Variants in ADAM12 observed in about 807,000 individuals in gnomAD.
ADAM12 encodes ADAM metallopeptidase domain 12.
In ADAM12, 70 loss-of-function variants were observed where a neutral mutation model predicts 106.4. The ratio of observed to expected loss-of-function variants is 0.66; its 90% CI spans 0.54 to 0.80. The LOEUF (loss-of-function observed/expected upper bound fraction) is 0.80, where lower values mean the gene tolerates loss of function less well. Among genes scored for constraint, ADAM12 ranks in the 30% least tolerant of loss-of-function variants. ADAM12 has a pLI of 0.00. For synonymous variants in ADAM12, 420 were observed against 433.5 expected (o/e 0.97, Z 0.39); for missense variants, 1,010 against 1,171.9 (o/e 0.86, Z 2.02).
intron 2 of ADAM12, among the ~76,000 whole-genome samples, chr10:126,290,039 G>A (rs1418983776): frequency 2.0e-5 from 3 of 152,116 alleles, no homozygotes; most frequent in Non-Finnish European, 2.9e-5. Context: ...AATCACAAGC[G>A]TTCCTGAAGG....
chr10:126,312,279 C>T (rs1179396050), intron 2 of ADAM12, among the ~76,000 whole-genome samples: 2 of 152,142 alleles, frequency 1.3e-5, no homozygotes, highest in African/African-American at 4.8e-5. Flanking sequence ...GCGGGGGACA[C>T]AAGATGGGTG....
chr10:126,296,072 A>G (rs934015172), intron 2 of ADAM12, among the ~76,000 whole-genome samples: 5 of 152,188 alleles, frequency 3.3e-5, no homozygotes, highest in Non-Finnish European at 7.4e-5. Flanking sequence ...GCTCATGTCC[A>G]TCCCCGTGCG....
chr10:126,239,995 C>T (rs1480403486), intron 3 of ADAM12, among the ~76,000 whole-genome samples: 3 of 152,172 alleles, frequency 2.0e-5, no homozygotes, highest in African/African-American at 4.8e-5. Context: ...TCCATCCTTC[C>T]GTGCCAAGCT....
intron 6 of ADAM12, among the ~76,000 whole-genome samples, chr10:126,111,808 G>T (rs1257196949): frequency 6.6e-6 from 1 of 152,162 alleles, no homozygotes; most frequent in Non-Finnish European, 1.5e-5. Context: ...TGGGGGAGTC[G>T]CCGGCTCAGG....
Position 126,147,674 on chromosome 10 carries a change from G to T in ADAM12, c.339+7553C>A, listed in dbSNP as rs190885534. Among the ~76,000 whole-genome samples the T allele has an allele frequency of 1.1e-4, 17 of 152,302 alleles. No homozygotes were observed. In the East Asian group the frequency reaches 3.1e-3, roughly 28 times the overall value. ...GTTCAAATGTTCCTTTCCCCATAAA[G>T]CCTTCCATGATCCCTCAGACCAGAT... On this transcript the variant is annotated intron_variant, in intron 4 of 22. Transcript: ENST00000448723.
intron 3 of ADAM12, among the ~76,000 whole-genome samples, chr10:126,240,123 TC>T (rs11313349): frequency 0.054 from 8,254 of 152,318 alleles, 772 homozygotes; most frequent in African/African-American, 0.19. Context: ...AAGTGCTGTA[TC>T]CATTGTGTGA....
intron 14 of ADAM12, among the ~76,000 whole-genome samples, chr10:126,058,280 C>T (rs116618623): frequency 1.2e-3 from 179 of 152,364 alleles, no homozygotes; most frequent in African/African-American, 3.5e-3. Context: ...GTTCCAAGAA[C>T]GAATGAGTGA....
chr10:126,229,662 C>T (rs1472520723), intron 3 of ADAM12, among the ~76,000 whole-genome samples: 3 of 138,328 alleles, frequency 2.2e-5, no homozygotes, highest in Non-Finnish European at 4.7e-5. Context: ...TGTCTCCCTC[C>T]AGTCCTATTC....
intron 3 of ADAM12, among the ~76,000 whole-genome samples, chr10:126,165,005 C>T (rs1404094037): frequency 1.3e-5 from 2 of 152,162 alleles, no homozygotes; most frequent in East Asian, 1.9e-4. Flanking sequence ...TTTTTTATGG[C>T]ACAAGTTATC....
rs147210669 is a variant in ADAM12 at position 126,262,861 on chromosome 10, T to A, written c.260+16054A>T. On this transcript the variant is annotated intron_variant, in intron 3 of 22. Coordinates refer to ENST00000448723, the MANE Select transcript of ADAM12 (RefSeq NM_001288973.2). ...TCCCACCCTGCCTCCAACCCACAGG[T>A]GGGGTACTCCATGCTGGCTTCATCA... Among the ~76,000 whole-genome samples the A allele has an allele frequency of 2.1e-3, 326 of 152,234 alleles. 1 individual carries two copies. The highest frequency in any genetic ancestry group is 6.5e-3 in the Admixed American group (99 of 15,294).
rs894203567 is a variant in ADAM12 at position 126,343,728 on chromosome 10, G to C, written c.89-13219C>G. ...TTTTTAATGATCACCATTCTAACTG[G>C]TGTGAAATGGTATCTCATTGTGGTT... is the stretch of plus-strand genomic sequence containing the variant. On this transcript the variant is annotated intron_variant, in intron 1 of 22. Coordinates refer to ENST00000448723, the MANE Select transcript of ADAM12 (RefSeq NM_001288973.2). 2.6e-5 allele frequency among the ~76,000 whole-genome samples: 4 copies of C among 152,254 alleles called. No individual in the cohort carries two copies. In the East Asian group the frequency reaches 7.7e-4, roughly 29 times the overall value.
At chr10:126,110,676 C>T (rs1955853333) in intron 6 of ADAM12, among the ~76,000 whole-genome samples, 1 of 152,190 alleles carries the variant, frequency 6.6e-6, no homozygotes, top group Non-Finnish European at 1.5e-5. Context: ...ACAAAGGCAG[C>T]TCCTGAAGTG....
chr10:126,279,441 G>C (rs925529621), intron 2 of ADAM12, among the ~76,000 whole-genome samples: 1 of 78,648 alleles, frequency 1.3e-5, no homozygotes, highest in Non-Finnish European at 2.4e-5. Context: ...AAAAAAAAAA[G>C]AAAACAAGCC....
At chr10:126,214,841 G>A (rs200325363) in intron 3 of ADAM12, among the ~76,000 whole-genome samples, 2 of 152,078 alleles carry the variant, frequency 1.3e-5, no homozygotes, top group African/African-American at 2.4e-5. Context: ...TGGGACCCTC[G>A]GCCCAGCCCA....
chr10:126,378,276 C>T (rs1398507437), intron 1 of ADAM12, among the ~76,000 whole-genome samples: 1 of 152,114 alleles, frequency 6.6e-6, no homozygotes, highest in Admixed American at 6.5e-5. Context: ...TACTCTACAG[C>T]TTAGTAATTC....
chr10:126,301,022 A>C (rs1247924295), intron 2 of ADAM12, among the ~76,000 whole-genome samples: 1 of 152,226 alleles, frequency 6.6e-6, no homozygotes, highest in Admixed American at 6.5e-5. Flanking sequence ...TTTGCCCCCC[A>C]GGGAACATGT....
In ADAM12 at chr10:126,311,114, C is replaced by CACAT. The variant is rs1449797305; in HGVS notation, c.186+19297_186+19298insATGT. Among the ~76,000 whole-genome samples the CACAT allele has an allele frequency of 2.1e-3, 320 of 151,448 alleles. 2 individuals are homozygous for CACAT. The highest frequency in any genetic ancestry group is 7.4e-3 in the African/African-American group (306 of 41,270). On this transcript the variant is annotated intron_variant, in intron 2 of 22. Coordinates refer to ENST00000448723, the MANE Select transcript of ADAM12 (RefSeq NM_001288973.2). Reference sequence around the variant, plus strand: ...ACAAATACACACACACACACACACACACACACACACACACACACACACACC... The same window carrying CACAT: ...ACAAATACACACACACACACACACACACATACACACACACACACACACACACACC...
In ADAM12 at chr10:126,323,575, G is replaced by C. The variant is rs1297661154; in HGVS notation, c.186+6837C>G. ...ATAAAGTCTCAGAGTCAGTCAACAA[G>C]CATCCTGCAATCACTCCACTCTGTG... On this transcript the variant is annotated intron_variant, in intron 2 of 22. Coordinates refer to ENST00000448723, the MANE Select transcript of ADAM12 (RefSeq NM_001288973.2). Among the ~76,000 whole-genome samples, 3 of 152,204 alleles carry C rather than the reference G, an allele frequency of 2.0e-5. No individual in the cohort carries two copies. In the East Asian group the frequency reaches 5.8e-4, roughly 29 times the overall value.
Position 126,388,364 on chromosome 10 carries a change from G to C in ADAM12, c.-219C>G. On this transcript the variant is annotated 5_prime_UTR_variant, in exon 1 of 23. Transcript: ENST00000448723. This position sits in a 1 kb window ranked among gnomAD's most constrained non-coding sequence, Gnocchi z 4.4. ...CCCGTGTGTGTGCGTGCGTGCGCGC[G>C]CGCGCGCCGTTCTGGCACAAGCCAG... is the stretch of plus-strand genomic sequence containing the variant. 2 of 584,134 alleles carry C rather than the reference G, an allele frequency of 3.4e-6. No homozygotes were observed. The highest frequency in any genetic ancestry group is 9.0e-5 in the East Asian group (2 of 22,290). The allele number at this position is 584,134 out of a possible 1,614,324, so 36.2% of individuals were successfully genotyped here.
Sources: allele counts gnomAD v4.1 joint callset (sites outside exome capture counted in the v4.1 genomes callset), GRCh38; gene constraint gnomAD v4.1.1; non-coding constraint Gnocchi (gnomAD v3.1); transcripts MANE v1.5; gene names NCBI Gene and HGNC (gene_info 2026-07-23, HGNC 2026-07-21).